The following RAB34 variants were observed in gnomAD, a reference collection of about 807,000 sequenced individuals.
RAB34 encodes the protein RAB34, member RAS oncogene family.
A neutral mutation model predicts 39.0 loss-of-function variants in RAB34; 33 were observed. The ratio of observed to expected loss-of-function variants is 0.85; its 90% CI spans 0.64 to 1.13. The LOEUF is 1.13. Among genes scored for constraint, RAB34 ranks in the 50% most tolerant of loss-of-function variants. The pLI, the probability that RAB34 is intolerant of heterozygous loss-of-function variation, is 0.00. For missense variants in RAB34, 289 were observed against 326.1 expected, an observed-to-expected ratio of 0.89 and a Z score of 0.88; for synonymous variants, 135 against 125.1, an observed-to-expected ratio of 1.08 and a Z score of -0.53.
At position 28,714,622 on chromosome 17, in the gene RAB34, T is replaced by A. The variant is rs778963901; in HGVS notation, c.*21A>T. ...CACAGTGCCCTAGGGCTGGGCAGTC[T>A]CTGAACAGTCTCCTCAGCCCTCATG... On this transcript the variant is annotated 3_prime_UTR_variant, in exon 10 of 10. Transcript: ENST00000395245. 6.2e-7 allele frequency: 1 copy of A among 1,613,990 alleles called. No homozygotes were observed. Among genetic ancestry groups the A allele is most frequent in the Non-Finnish European group, 8.5e-7 (1 of 1,180,034 alleles).
intron 6 of RAB34, 82 bp from the exon 7 acceptor site, chr17:28,715,358 C>T (rs943008907): frequency 2.5e-6 from 4 of 1,583,082 alleles, no homozygotes; most frequent in African/African-American, 2.7e-5. Flanking sequence ...ATTACCCCCT[C>T]TCTGGTCCTA....
At chr17:28,717,140 T>G in intron 1 of RAB34, 73 bp downstream of exon 1, 1 of 1,538,894 alleles carries the variant, frequency 6.5e-7, no homozygotes, top group Non-Finnish European at 8.7e-7. Flanking sequence ...GTCCTCTAAC[T>G]GGTCTGGTGC....
At position 28,715,278 on chromosome 17, in the gene RAB34, T is replaced by C; in HGVS notation, c.432-2A>G. On this transcript the variant is annotated splice_acceptor_variant, in intron 6 of 9. Transcript: ENST00000395245. LOFTEE classifies it high-confidence loss of function. ...TTCAGGGCATCGGCCAGCCACTGCC[T>C]GCCATGGGAGGTGGAAAGTAAGGGA... The C allele has an allele frequency of 1.9e-6, 3 of 1,612,632 alleles. No individual in the cohort carries two copies. Among genetic ancestry groups the C allele is most frequent in the South Asian group, 1.1e-5 (1 of 90,982 alleles).
rs1421872229 is a variant in RAB34 at position 28,717,652 on chromosome 17, A to C, written c.-386T>G. 12 of 1,368,892 alleles carry C rather than the reference A, an allele frequency of 8.8e-6. No individual in the cohort carries two copies. The highest frequency in any genetic ancestry group is 1.9e-4 in the Middle Eastern group (1 of 5,300). 84.8% of individuals were successfully genotyped at this position (1,368,892 alleles called of 1,614,324 possible). On this transcript the variant is annotated 5_prime_UTR_variant, in exon 1 of 10. In the 5' UTR this introduces an upstream ATG that the reference lacks. Transcript: ENST00000395245. ...TTACGCGGGGCCGGATGGTTCCTACAATAACCCGGGGCCGCGGAGACCCGA... is the reference window on the plus strand; with the variant it reads ...TTACGCGGGGCCGGATGGTTCCTACCATAACCCGGGGCCGCGGAGACCCGA...
rs749874925 is a variant in RAB34, at chr17:28,717,225, C to A, written c.42G>T (p.Ala14=). 12 of 1,604,774 alleles carry A rather than the reference C, an allele frequency of 7.5e-6. No homozygotes were observed. In the Admixed American group the frequency reaches 8.4e-5, roughly 11 times the overall value. ...LAPVRRDRVL[A]ELPQCLRKEA... is the part of the protein sequence containing the mutation. ...CCCCGGCGCCTACCTGGGGCAGCTCCGCCAGGACGCGATCCCTCCGCACGG... is the reference window on the plus strand; with the variant it reads ...CCCCGGCGCCTACCTGGGGCAGCTCAGCCAGGACGCGATCCCTCCGCACGG... Residue 14 remains alanine, a synonymous_variant, in exon 1 of 10, where the codon GCG becomes GCT. Transcript: ENST00000395245.
upstream of RAB34, chr17:28,718,046 C>G: frequency 7.0e-7 from 1 of 1,434,704 alleles, no homozygotes; most frequent in Non-Finnish European, 9.3e-7. Context: ...AGGCTGGAGC[C>G]TATCCAGATA....
rs370982081 is a variant in RAB34, at chr17:28,717,279, C to T, written c.-13G>A. The T allele has an allele frequency of 7.5e-6, 12 of 1,596,596 alleles. No homozygotes were observed. The African/African-American group carries it at 1.6e-4, about 21-fold the overall frequency. ...CCAGAATGTTCATCCTGCCTGCGGC[C>T]TTGCAGGGCGCCCTGAGAAGGCGCC... is the stretch of plus-strand genomic sequence containing the variant. On this transcript the variant is annotated 5_prime_UTR_variant, in exon 1 of 10. Coordinates refer to ENST00000395245, the MANE Select transcript of RAB34 (RefSeq NM_031934.6).
chr17:28,718,034 C>T, upstream of RAB34: 1 of 1,386,422 alleles, frequency 7.2e-7, no homozygotes, highest in South Asian at 1.5e-5. Flanking sequence ...CCGCCCCGAC[C>T]CAGGCTGGAG....
In RAB34 at chr17:28,715,199, A is replaced by G; in HGVS notation, c.509T>C (p.Leu170Pro). The change falls in exon 7 of 10, where the codon CTG becomes CCG. Residue 170 changes from leucine to proline, a missense_variant. By Grantham distance (98) the Leu-to-Pro change is moderately conservative. Coordinates refer to ENST00000395245, the MANE Select transcript of RAB34 (RefSeq NM_031934.6). ...LLFLVGSKKD[L>P]STPAQYALME... ...TCCCCCCACTGGCACACTCACACTC[A>G]GATCCTTCTTGGAACCTACAAGGAA... 6.2e-7 allele frequency: 1 copy of G among 1,614,074 alleles called. No individual in the cohort carries two copies. The highest frequency in any genetic ancestry group is 8.5e-7 in the Non-Finnish European group (1 of 1,179,984).
chr17:28,717,553 G>A lies in RAB34; in HGVS notation c.-287C>T, dbSNP rs1305532744. 3 of 1,420,240 alleles carry A rather than the reference G, an allele frequency of 2.1e-6. No individual in the cohort carries two copies. In the South Asian group the frequency reaches 4.5e-5, roughly 21 times the overall value. The allele number at this position is 1,420,240 out of a possible 1,614,324, so 88.0% of individuals were successfully genotyped here. ...GAGACTCTTCGGCCGCCAATTGGGG[G>A]CGGGGAGTCCCGTCTGGTGGGGGCC... On this transcript the variant is annotated 5_prime_UTR_variant, in exon 1 of 10. Transcript: ENST00000395245.
Position 28,716,919 on chromosome 17 carries a change from G to T in RAB34, c.130C>A (p.Arg44=), listed in dbSNP as rs902276395. 2.5e-6 allele frequency: 4 copies of T among 1,613,052 alleles called. No individual in the cohort carries two copies. The highest frequency in any genetic ancestry group is 2.2e-5 in the East Asian group (1 of 44,868). ...CTAACTCACCCCACGGTGCCTGTCC[G>T]GTGCTCCTGGCAGGCGCAGGTGACG... The part of the protein sequence containing the change: ...PRVTCACQEH[R]TGTVGFKISK... The change falls in exon 2 of 10, where the codon CGG becomes AGG. Residue 44 remains arginine (R), a synonymous_variant. Transcript: ENST00000395245.
Position 28,716,844 on chromosome 17 carries a change from G to A in RAB34, c.146+59C>T. 2.6e-6 allele frequency: 4 copies of A among 1,563,586 alleles called. No individual in the cohort carries two copies. In the South Asian group the frequency reaches 4.7e-5, roughly 18 times the overall value. ...CCCAAGGGGGTGGTTGTTTACCCTCGCTATGACTACAGAGTTTCCTGGGAC... is the reference window on the plus strand; with the variant it reads ...CCCAAGGGGGTGGTTGTTTACCCTCACTATGACTACAGAGTTTCCTGGGAC... On this transcript the variant is annotated intron_variant, in intron 2 of 9. Coordinates refer to ENST00000395245, the MANE Select transcript of RAB34 (RefSeq NM_031934.6).
Position 28,717,490 on chromosome 17 carries a change from C to T in RAB34, c.-224G>A, listed in dbSNP as rs1157902975. On this transcript the variant is annotated 5_prime_UTR_variant, in exon 1 of 10. Coordinates refer to ENST00000395245, the MANE Select transcript of RAB34 (RefSeq NM_031934.6). ...GGGGCCGCGGCGAGCCCAAAATCAC[C>T]CGGGCCCTGGGCGTCCCGAAGATGA... 4.2e-6 allele frequency: 6 copies of T among 1,436,992 alleles called. No individual in the cohort carries two copies. The South Asian group carries it at 4.3e-5, about 10-fold the overall frequency. 89.0% of individuals were successfully genotyped at this position (1,436,992 alleles called of 1,614,324 possible). A position where few individuals can be genotyped will look rare whatever the true frequency, so the allele number is the denominator to read the frequency against.
upstream of RAB34, chr17:28,718,387 GAA>G (rs2033889569): frequency 1.2e-5 from 9 of 772,942 alleles, no homozygotes; most frequent in African/African-American, 7.4e-5. Context: ...AGAGACGTCT[GAA>G]GTCTGGCGTC....
chr17:28,717,445 C>T lies in RAB34; in HGVS notation c.-179G>A, dbSNP rs371681785. The T allele has an allele frequency of 1.2e-3, 1,832 of 1,478,238 alleles. 5 individuals carry two copies. The highest frequency in any genetic ancestry group is 3.5e-3 in the Admixed American group (152 of 43,364). The allele number at this position is 1,478,238 out of a possible 1,614,324, so 91.6% of individuals were successfully genotyped here. ...GAGACGCTACGACCACCGCGGGCCA[C>T]GGAGATGAAACAATCACCCGGGGCC... On this transcript the variant is annotated 5_prime_UTR_variant, in exon 1 of 10. In the 5' UTR this introduces an upstream ATG that the reference lacks. Coordinates refer to ENST00000395245, the MANE Select transcript of RAB34 (RefSeq NM_031934.6).
upstream of RAB34, chr17:28,717,939 G>GGGCC: frequency 8.3e-7 from 1 of 1,206,588 alleles, no homozygotes. Flanking sequence ...AGGCCTCGCT[G>GGGCC]CCCGCCCTCG....
chr17:28,718,094 C>T, upstream of RAB34: 1 of 1,600,090 alleles, frequency 6.2e-7, no homozygotes, highest in East Asian at 2.3e-5. Flanking sequence ...ACCTCTATAC[C>T]CGGCTGCGCC....
chr17:28,715,011 G>T (rs2033105204), intron 8 of RAB34, 21 bp downstream of exon 8: 1 of 1,609,672 alleles, frequency 6.2e-7, no homozygotes, highest in Admixed American at 1.7e-5. Flanking sequence ...TCACAGCAGA[G>T]CCCTAAAGCC....
chr17:28,717,606 G>T lies in RAB34; in HGVS notation c.-340C>A. 7.1e-7 allele frequency: 1 copy of T among 1,400,710 alleles called. No individual in the cohort carries two copies. The highest frequency in any genetic ancestry group is 9.2e-7 in the Non-Finnish European group (1 of 1,082,130). The allele number at this position is 1,400,710 out of a possible 1,614,324, so 86.8% of individuals were successfully genotyped here. A position where few individuals can be genotyped will look rare whatever the true frequency, so the allele number is the denominator to read the frequency against. ...GCCCGCGCAGACCCTACGATTACGCGGGGCCGGATAGTTCCTACGATTACG... is the reference window on the plus strand; with the variant it reads ...GCCCGCGCAGACCCTACGATTACGCTGGGCCGGATAGTTCCTACGATTACG... On this transcript the variant is annotated 5_prime_UTR_variant, in exon 1 of 10. Coordinates refer to ENST00000395245, the MANE Select transcript of RAB34 (RefSeq NM_031934.6).
Sources: allele counts gnomAD v4.1 joint callset, GRCh38; gene constraint gnomAD v4.1.1; transcripts MANE v1.5; gene names NCBI Gene and HGNC (gene_info 2026-07-23, HGNC 2026-07-21).